Variants in OTUD7B observed in about 807,000 individuals in gnomAD.
OTUD7B encodes OTU deubiquitinase 7B, also known as OTU domain-containing protein 7B.
A neutral mutation model predicts 82.2 loss-of-function variants in OTUD7B; 34 were observed. That is an observed-to-expected ratio of 0.41 (90% CI 0.31 to 0.55). The LOEUF is 0.55. Among genes scored for constraint, OTUD7B ranks in the 20% least tolerant of loss-of-function variants. OTUD7B has a pLI of 0.20. For synonymous variants in OTUD7B, 398 were observed against 402.7 expected, an observed-to-expected ratio of 0.99 and a Z score of 0.14; for missense variants, 944 against 1,062.1, an observed-to-expected ratio of 0.89 and a Z score of 1.55.
chr1:150,009,087 A>C (rs1553786745), intron 1 of OTUD7B, among the ~76,000 whole-genome samples: 1 of 152,232 alleles, frequency 6.6e-6, no homozygotes, highest in African/African-American at 2.4e-5. Context: ...AAAACAATGA[A>C]GACAAAGCGT....
At chr1:150,022,580 A>T in the OTUD7B span, among the ~76,000 whole-genome samples, 17 of 152,150 alleles carry the variant, frequency 1.1e-4, no homozygotes, top group South Asian at 3.5e-3. Flanking sequence ...GCCTAGCGGT[A>T]GTGCCTCACC....
Position 149,954,114 on chromosome 1 carries a change from T to TG in OTUD7B, c.846-3894dup, listed in dbSNP as rs1479628633. 3.3e-5 allele frequency among the ~76,000 whole-genome samples: 5 copies of TG among 152,350 alleles called. No homozygotes were observed. The South Asian group carries it at 6.2e-4, about 19-fold the overall frequency. On this transcript the variant is annotated intron_variant, in intron 7 of 11. Transcript: ENST00000581312. ...TAGGAGTGGTGAGAAAGGGCATCCC[T>TG]GTCTTGCACCAGTTTTCGAAAGGAA...
intron 2 of OTUD7B, among the ~76,000 whole-genome samples, chr1:149,975,726 A>T (rs2101853060): frequency 6.6e-6 from 1 of 152,300 alleles, no homozygotes; most frequent in Non-Finnish European, 1.5e-5. Flanking sequence ...TAGTAGGAGA[A>T]GAAACTAAAA....
intron 3 of OTUD7B, among the ~76,000 whole-genome samples, chr1:149,970,163 C>T (rs1649809171): frequency 6.7e-6 from 1 of 150,220 alleles, no homozygotes; most frequent in African/African-American, 2.4e-5. Context: ...GGTGCAGTGG[C>T]TCACACCTGT....
intron 3 of OTUD7B, among the ~76,000 whole-genome samples, chr1:149,968,021 T>G (rs1227749697): frequency 6.6e-6 from 1 of 152,108 alleles, no homozygotes; most frequent in African/African-American, 2.4e-5. Context: ...GAAAATCCTT[T>G]GGGAGGCCAA....
At position 149,944,206 on chromosome 1, in the gene OTUD7B, G is replaced by C. The variant is rs1553771251; in HGVS notation, c.2183C>G (p.Ala728Gly). ...GPCVGGLPPY[A>G]TFPRQCPPGR... Reference sequence around the variant, plus strand: ...AGGAGGGCACTGTCTGGGGAAGGTGGCATATGGTGGTAGGCCCCCGACACA... The same window carrying C: ...AGGAGGGCACTGTCTGGGGAAGGTGCCATATGGTGGTAGGCCCCCGACACA... Residue 728 changes from alanine to glycine, a missense_variant, in exon 12 of 12, where the codon GCC (alanine) becomes GGC (glycine). By Grantham distance (60) the Ala-to-Gly change is moderately conservative. Coordinates refer to ENST00000581312, the MANE Select transcript of OTUD7B (RefSeq NM_020205.4). The C allele has an allele frequency of 6.2e-7, 1 of 1,613,354 alleles. No individual in the cohort carries two copies. The highest frequency in any genetic ancestry group is 8.5e-7 in the Non-Finnish European group (1 of 1,179,580).
In OTUD7B at chr1:149,975,539, A is replaced by G. The variant is rs1559848847; in HGVS notation, c.85+1887T>C. The stretch of plus-strand genomic sequence containing the variant: ...TTGAACACTCATAAGTGTTCAACAC[A>G]TGTTATAAGAGGAATGCAGAAAGGT... On this transcript the variant is annotated intron_variant, in intron 2 of 11. Transcript: ENST00000581312. Among the ~76,000 whole-genome samples the G allele has an allele frequency of 2.0e-5, 3 of 152,288 alleles. No individual in the cohort carries two copies. In the South Asian group the frequency reaches 6.2e-4, roughly 32 times the overall value.
At chr1:149,961,589 G>A (rs1649167516) in intron 6 of OTUD7B, 1 of 152,264 alleles carries the variant, frequency 6.6e-6, no homozygotes, top group Non-Finnish European at 1.5e-5. Flanking sequence ...CTACCAACAG[G>A]TGATCCGCCT....
At chr1:150,040,736 G>T in the OTUD7B span, among the ~76,000 whole-genome samples, 3 of 139,568 alleles carry the variant, frequency 2.1e-5, no homozygotes, top group Non-Finnish European at 3.0e-5. Flanking sequence ...TTGAGATGGA[G>T]TCTCACTCTG....
the OTUD7B span, among the ~76,000 whole-genome samples, chr1:150,016,717 G>T: frequency 6.6e-6 from 1 of 152,130 alleles, no homozygotes; most frequent in Non-Finnish European, 1.5e-5. Flanking sequence ...CTCCCAAAGT[G>T]CTGAGATTAC....
At chr1:149,947,649 ATTG>A (rs782733069) in intron 10 of OTUD7B, among the ~76,000 whole-genome samples, 1 of 152,258 alleles carries the variant, frequency 6.6e-6, no homozygotes, top group African/African-American at 2.4e-5. Flanking sequence ...AGCCATTATC[ATTG>A]TTGTTGTTGT....
Position 149,937,953 on chromosome 1 carries a change from CCT to C in OTUD7B, c.*5902_*5903del, listed in dbSNP as rs1553769554. On this transcript the variant is annotated 3_prime_UTR_variant, in exon 12 of 12. Coordinates refer to ENST00000581312, the MANE Select transcript of OTUD7B (RefSeq NM_020205.4). ...CCCTTCTGGCCTCAGCTTTCAGTTT[CCT>C]GTCTTGGCTGCAACTGTGGAAATAG... is the stretch of plus-strand genomic sequence containing the variant. 6.6e-6 allele frequency: 1 copy of C among 152,164 alleles called. No individual in the cohort carries two copies. The highest frequency in any genetic ancestry group is 2.4e-5 in the African/African-American group (1 of 41,394). The allele number at this position is 152,164 out of a possible 1,614,324, so 9.4% of individuals were successfully genotyped here.
At chr1:149,976,670 T>A (rs1650342506) in intron 2 of OTUD7B, among the ~76,000 whole-genome samples, 1 of 144,598 alleles carries the variant, frequency 6.9e-6, no homozygotes, top group Non-Finnish European at 1.5e-5. Flanking sequence ...AAGATATAAG[T>A]AAACAAAAGC....
At position 149,949,654 on chromosome 1, in the gene OTUD7B, C is replaced by T. The variant is rs1317542657; in HGVS notation, c.1098G>A (p.Glu366=). ...QAHFSALVSM[E]QKENTKEQAV... ...CTTGTTCCTTGGTATTCTCCTTCTG[C>T]TCCATGGACACGAGTGCAGAAAAGT... The change falls in exon 9 of 12, where the codon GAG becomes GAA. Residue 366 remains glutamate (E), a synonymous_variant. Transcript: ENST00000581312. 1.2e-6 allele frequency: 2 copies of T among 1,614,026 alleles called. No individual in the cohort carries two copies. The highest frequency in any genetic ancestry group is 1.7e-6 in the Non-Finnish European group (2 of 1,180,012).
intron 5 of OTUD7B, among the ~76,000 whole-genome samples, chr1:149,965,403 G>T (rs1553776339): frequency 6.6e-6 from 1 of 152,146 alleles, no homozygotes; most frequent in African/African-American, 2.4e-5. Context: ...GTAAGTGTGT[G>T]TTACAAAGGA....
At chr1:150,064,216 T>C in the OTUD7B span, among the ~76,000 whole-genome samples, 1 of 152,212 alleles carries the variant, frequency 6.6e-6, no homozygotes, top group East Asian at 1.9e-4. Flanking sequence ...TTTCATTTAA[T>C]TCTCACAAAT....
intron 2 of OTUD7B, among the ~76,000 whole-genome samples, chr1:149,976,780 A>C (rs1650349341): frequency 6.6e-6 from 1 of 152,102 alleles, no homozygotes; most frequent in Non-Finnish European, 1.5e-5. Flanking sequence ...CCATCATGAA[A>C]ACCCTAAAGT....
chr1:149,939,933 C>T lies in OTUD7B; in HGVS notation c.*3924G>A, dbSNP rs1240327486. Reference sequence around the variant, plus strand: ...AGCTGAGCGAGACTCCGTCTCAAACCAAAAAAAAAAGAAAGAAAGAAAAAG... The same window carrying T: ...AGCTGAGCGAGACTCCGTCTCAAACTAAAAAAAAAAGAAAGAAAGAAAAAG... On this transcript the variant is annotated 3_prime_UTR_variant, in exon 12 of 12. Transcript: ENST00000581312. 7.6e-6 allele frequency: 1 copy of T among 131,802 alleles called. No homozygotes were observed. 8.2% of individuals were successfully genotyped at this position (131,802 alleles called of 1,614,324 possible). A position where few individuals can be genotyped will look rare whatever the true frequency, so the allele number is the denominator to read the frequency against.
At chr1:150,030,575 A>G in the OTUD7B span, among the ~76,000 whole-genome samples, 1 of 152,180 alleles carries the variant, frequency 6.6e-6, no homozygotes. Context: ...AAATAAAGCA[A>G]AAGTCAGCTT....
Sources: gnomAD v4.1 joint callset for allele counts (sites outside exome capture counted in the v4.1 genomes callset) on GRCh38, gnomAD v4.1.1 for gene constraint, MANE v1.5 for transcripts, NCBI Gene and HGNC (gene_info 2026-07-23, HGNC 2026-07-21) for gene names.